Variants in DMRT1 observed in about 807,000 individuals in gnomAD.
DMRT1 encodes the protein doublesex- and mab-3-related transcription factor 1.
In DMRT1, 7 loss-of-function variants were observed where a neutral mutation model predicts 32.3. That is an observed-to-expected ratio of 0.22 (90% CI 0.12 to 0.41). The LOEUF is 0.41. DMRT1 is among the 10% of genes least tolerant of loss of function. DMRT1 has a pLI of 1.00. For missense variants in DMRT1, 625 were observed against 500.5 expected (o/e 1.25, Z -2.37); for synonymous variants, 278 against 206.1 (o/e 1.35, Z -2.99).
intron 2 of DMRT1, among the ~76,000 whole-genome samples, chr9:862,381 G>A (rs7018713): frequency 0.9 from 136,386 of 151,678 alleles, 61,389 homozygotes; most frequent in Middle Eastern, 0.95. Flanking sequence ...CGCGCCTGCA[G>A]TCCCAGGCAC....
chr9:953,063 G>T (rs914427427), intron 4 of DMRT1, among the ~76,000 whole-genome samples: 1 of 152,094 alleles, frequency 6.6e-6, no homozygotes, highest in African/African-American at 2.4e-5. Context: ...ACTGCTACAT[G>T]GTTATTTTGC....
chr9:944,866 T>C lies in DMRT1; in HGVS notation c.968-23119T>C, dbSNP rs191392154. On this transcript the variant is annotated intron_variant, in intron 4 of 4. Coordinates refer to ENST00000382276, the MANE Select transcript of DMRT1 (RefSeq NM_021951.3). The stretch of plus-strand genomic sequence containing the variant: ...TATCGTGTATTTTAGTTCTGTTAGT[T>C]ACTTGCTTTGGAAAGCACATGACCA... Among the ~76,000 whole-genome samples, 57 of 152,260 alleles carry C rather than the reference T, an allele frequency of 3.7e-4. No individual in the cohort carries two copies. In the East Asian group the frequency reaches 0.01, roughly 27 times the overall value.
intron 4 of DMRT1, among the ~76,000 whole-genome samples, chr9:939,580 A>G (rs1818994675): frequency 6.6e-6 from 1 of 152,066 alleles, no homozygotes; most frequent in African/African-American, 2.4e-5. Context: ...TTATTCCTTT[A>G]TTGGCATTTA....
intron 2 of DMRT1, among the ~76,000 whole-genome samples, chr9:864,440 G>T (rs1009960622): frequency 6.7e-6 from 1 of 149,770 alleles, no homozygotes; most frequent in East Asian, 2.0e-4. Context: ...TGATCTGCCC[G>T]CCTTGTCCTC....
At chr9:863,892 C>T (rs192757366) in intron 2 of DMRT1, among the ~76,000 whole-genome samples, 54 of 152,204 alleles carry the variant, frequency 3.5e-4, no homozygotes, top group African/African-American at 1.3e-3. Context: ...TCTATTGATC[C>T]CGGCCAACAT....
chr9:873,594 C>G (rs762389413), intron 2 of DMRT1, among the ~76,000 whole-genome samples: 13 of 152,076 alleles, frequency 8.5e-5, no homozygotes, highest in African/African-American at 1.7e-4. Flanking sequence ...GTTGGGATTA[C>G]AGGCGTGATC....
At chr9:917,090 C>T (rs574297000) in intron 4 of DMRT1, among the ~76,000 whole-genome samples, 183 bp downstream of exon 4, 1 of 152,102 alleles carries the variant, frequency 6.6e-6, no homozygotes, top group African/African-American at 2.4e-5. Context: ...ATGCTTGATT[C>T]TTAATATCAT....
chr9:968,024 C>A lies in DMRT1; in HGVS notation c.1007C>A (p.Ser336Tyr). 6.2e-7 allele frequency: 1 copy of A among 1,614,118 alleles called. No homozygotes were observed. ...PPSSQDSGLV[S>Y]LSSSSPISNK... The stretch of plus-strand genomic sequence containing the variant: ...AGCAGTCAAGATTCTGGCTTGGTTT[C>A]CCTCTCGAGCAGCTCTCCTATTAGT... The change falls in exon 5 of 5, where the codon TCC (serine) becomes TAC (tyrosine). Residue 336 changes from serine to tyrosine, a missense_variant. Physicochemically the swap from Ser to Tyr is moderately radical, Grantham distance 144. This residue lies in a region of DMRT1 where 416 missense variants were observed against 321.6 expected (regional missense o/e 1.29). Transcript: ENST00000382276.
chr9:923,292 A>T (rs1279577986), intron 4 of DMRT1, among the ~76,000 whole-genome samples: 1 of 152,146 alleles, frequency 6.6e-6, no homozygotes, highest in East Asian at 1.9e-4. Context: ...GGTGCCCTTT[A>T]TGTGAGGTGA....
intron 4 of DMRT1, among the ~76,000 whole-genome samples, chr9:950,110 T>C (rs891037744): frequency 6.6e-6 from 1 of 152,088 alleles, no homozygotes; most frequent in Non-Finnish European, 1.5e-5. Context: ...CAGTAGTTTA[T>C]TGAAGTCTCT....
At chr9:859,337 C>G (rs1815549817) in intron 2 of DMRT1, among the ~76,000 whole-genome samples, 3 of 152,102 alleles carry the variant, frequency 2.0e-5, no homozygotes, top group Admixed American at 2.0e-4. Context: ...ACACCTTATG[C>G]AGTACACTGT....
At chr9:872,068 A>G (rs1344648577) in intron 2 of DMRT1, among the ~76,000 whole-genome samples, 1 of 151,058 alleles carries the variant, frequency 6.6e-6, no homozygotes, top group Non-Finnish European at 1.5e-5. Context: ...AAAACTCACC[A>G]TCTTTTTTTT....
At chr9:884,396 T>C (rs986627904) in intron 2 of DMRT1, among the ~76,000 whole-genome samples, 4 of 147,702 alleles carry the variant, frequency 2.7e-5, no homozygotes, top group African/African-American at 9.9e-5. Context: ...AGCAGAGGGA[T>C]TGTGAAGCCC....
chr9:954,644 TTTATTA>T (rs1372156609), intron 4 of DMRT1, among the ~76,000 whole-genome samples: 1 of 151,906 alleles, frequency 6.6e-6, no homozygotes, highest in Non-Finnish European at 1.5e-5. Context: ...TGGGCTTTAT[TTTATTA>T]TTATTATTAT....
intron 4 of DMRT1, among the ~76,000 whole-genome samples, chr9:939,240 T>C (rs1475163513): frequency 2.6e-5 from 4 of 152,230 alleles, no homozygotes; most frequent in African/African-American, 9.6e-5. Flanking sequence ...TACCCTCCAC[T>C]CTAGAGACCA....
intron 4 of DMRT1, among the ~76,000 whole-genome samples, chr9:958,246 T>G (rs1819661690): frequency 6.6e-6 from 1 of 152,190 alleles, no homozygotes; most frequent in Non-Finnish European, 1.5e-5. Flanking sequence ...TCTACCGTGC[T>G]ACTAGCATAT....
intron 2 of DMRT1, among the ~76,000 whole-genome samples, chr9:876,559 C>G (rs943536287): frequency 6.6e-6 from 1 of 150,386 alleles, no homozygotes; most frequent in Non-Finnish European, 1.5e-5. Context: ...GAGACAGAGT[C>G]TTGCCCTATC....
intron 4 of DMRT1, among the ~76,000 whole-genome samples, chr9:929,837 C>T (rs1450389070): frequency 6.6e-6 from 1 of 152,066 alleles, no homozygotes; most frequent in East Asian, 1.9e-4. Context: ...GTGAGAAATT[C>T]ATTGAGTGCC....
chr9:905,995 A>G (rs1442956650), intron 3 of DMRT1, among the ~76,000 whole-genome samples: 3 of 150,350 alleles, frequency 2.0e-5, no homozygotes, highest in African/African-American at 7.3e-5. Context: ...ATCACTAGGC[A>G]TGCTGTCTCT....
Sources: gnomAD v4.1 joint callset for allele counts (sites outside exome capture counted in the v4.1 genomes callset) on GRCh38, gnomAD v4.1.1 for gene constraint, gnomAD v4.1.1 regional missense constraint, MANE v1.5 for transcripts, NCBI Gene and HGNC (gene_info 2026-07-23, HGNC 2026-07-21) for gene names.